TENM3: variants seen among roughly 807,000 people sequenced by gnomAD.
TENM3 encodes the protein teneurin transmembrane protein 3.
In TENM3, 63 loss-of-function variants were observed where a neutral mutation model predicts 255.1. The ratio of observed to expected loss-of-function variants is 0.25; its 90% confidence interval spans 0.20 to 0.30. TENM3 has a LOEUF of 0.30. Ranked by LOEUF, TENM3 falls within the 10% of genes least tolerant of loss-of-function variation. The probability of loss-of-function intolerance (pLI) is 1.00; values close to 1 mark genes in which losing one functional copy is unlikely to be tolerated. For synonymous variants in TENM3, 1,306 were observed against 1,322.3 expected (o/e 0.99, Z 0.27); for missense variants, 2,929 against 3,461.1 (o/e 0.85, Z 3.86).
At chr4:181,591,582 G>C in the TENM3 span, among the ~76,000 whole-genome samples, 2 of 152,172 alleles carry the variant, frequency 1.3e-5, no homozygotes, top group East Asian at 3.9e-4. Context: ...AAATACCCAA[G>C]TCAGGAATTG....
intron 5 of TENM3, among the ~76,000 whole-genome samples, chr4:182,643,100 A>G (rs1455827664): frequency 1.3e-5 from 2 of 152,208 alleles, no homozygotes; most frequent in Admixed American, 6.5e-5. Context: ...CACATGCGAT[A>G]CTTTCATTTT....
At chr4:182,092,667 A>G in the TENM3 span, among the ~76,000 whole-genome samples, 1 of 152,208 alleles carries the variant, frequency 6.6e-6, no homozygotes, top group Non-Finnish European at 1.5e-5. Flanking sequence ...ATAAACATAA[A>G]TCTATAAATA....
chr4:181,870,889 A>G, the TENM3 span, among the ~76,000 whole-genome samples: 2 of 152,150 alleles, frequency 1.3e-5, no homozygotes, highest in East Asian at 3.9e-4. Context: ...ACCAGGTTTG[A>G]AAATCTTTAT....
chr4:182,636,674 G>A (rs1330595032), intron 5 of TENM3, among the ~76,000 whole-genome samples: 6 of 150,614 alleles, frequency 4.0e-5, no homozygotes, highest in East Asian at 2.0e-4. Flanking sequence ...CAGAGATCGC[G>A]CCACCGTACT....
At chr4:181,510,492 C>T in the TENM3 span, among the ~76,000 whole-genome samples, 12 of 151,888 alleles carry the variant, frequency 7.9e-5, no homozygotes, top group African/African-American at 1.4e-4. Context: ...AAAATAAACA[C>T]GAAACAAAAC....
intron 1 of TENM3, among the ~76,000 whole-genome samples, chr4:182,207,472 A>C (rs900740895): frequency 5.9e-5 from 9 of 152,214 alleles, no homozygotes; most frequent in African/African-American, 1.9e-4. Flanking sequence ...CAGGGTGAGC[A>C]TGCTTCCCAG....
chr4:182,248,043 G>A (rs577213139), intron 1 of TENM3, among the ~76,000 whole-genome samples: 2 of 152,156 alleles, frequency 1.3e-5, no homozygotes, highest in Admixed American at 6.5e-5. Context: ...CAAATATGCA[G>A]TTTTGAAAGT....
intron 3 of TENM3, among the ~76,000 whole-genome samples, chr4:182,587,080 A>G (rs564026089): frequency 1.4e-5 from 2 of 143,236 alleles, no homozygotes; most frequent in South Asian, 4.7e-4. Flanking sequence ...TATAAAACAG[A>G]TCAGTTTTCT....
intron 1 of TENM3, among the ~76,000 whole-genome samples, chr4:182,161,710 C>CACACACACAA (rs1226978171): frequency 4.0e-5 from 1 of 25,080 alleles, no homozygotes; most frequent in African/African-American, 2.0e-4. Flanking sequence ...TATATATATA[C>CACACACACAA]ATATATATGT....
chr4:182,094,941 T>TAA, the TENM3 span, among the ~76,000 whole-genome samples: 1,566 of 105,616 alleles, frequency 0.015, 34 homozygotes, highest in East Asian at 0.084. Flanking sequence ...AAATAGAAGG[T>TAA]AAAAAAAAAA....
intron 1 of TENM3, among the ~76,000 whole-genome samples, chr4:182,211,035 C>A (rs1373960667): frequency 6.6e-6 from 1 of 152,162 alleles, no homozygotes; most frequent in African/African-American, 2.4e-5. Context: ...GGGGCCCTAC[C>A]CTTGTCGCTG....
chr4:182,061,685 G>A, the TENM3 span, among the ~76,000 whole-genome samples: 1 of 152,124 alleles, frequency 6.6e-6, no homozygotes, highest in Non-Finnish European at 1.5e-5. Context: ...AGTGCTGGGC[G>A]TGGCTGCTCA....
the TENM3 span, among the ~76,000 whole-genome samples, chr4:181,467,131 T>A: frequency 9.9e-4 from 54 of 54,774 alleles, no homozygotes; most frequent in South Asian, 7.0e-3. Context: ...ATATATTTTT[T>A]TTTTTTTTTT....
At chr4:181,537,609 C>T in the TENM3 span, among the ~76,000 whole-genome samples, 1 of 152,180 alleles carries the variant, frequency 6.6e-6, no homozygotes, top group Non-Finnish European at 1.5e-5. Context: ...ATGTTGGCAG[C>T]TCTTCCTACA....
chr4:181,589,276 T>G, the TENM3 span, among the ~76,000 whole-genome samples: 1 of 152,232 alleles, frequency 6.6e-6, no homozygotes, highest in South Asian at 2.1e-4. Context: ...GTTTTTATTT[T>G]TATCATGAAC....
chr4:181,807,209 A>T, the TENM3 span, among the ~76,000 whole-genome samples: 1 of 152,260 alleles, frequency 6.6e-6, no homozygotes, highest in Non-Finnish European at 1.5e-5. Flanking sequence ...AGGAGAGAGC[A>T]CAACTTCTTC....
At chr4:182,613,984 A>T (rs1317526960) in intron 4 of TENM3, among the ~76,000 whole-genome samples, 1 of 152,192 alleles carries the variant, frequency 6.6e-6, no homozygotes, top group Non-Finnish European at 1.5e-5. Context: ...CATCAATTCA[A>T]AAGTGTAATA....
At chr4:182,433,994 G>A (rs1771860056) in intron 3 of TENM3, among the ~76,000 whole-genome samples, 1 of 152,076 alleles carries the variant, frequency 6.6e-6, no homozygotes, top group African/African-American at 2.4e-5. Context: ...CATGCTTGTA[G>A]TCCCTGCTGC....
At chr4:181,841,986 A>C in the TENM3 span, among the ~76,000 whole-genome samples, 1 of 152,162 alleles carries the variant, frequency 6.6e-6, no homozygotes, top group African/African-American at 2.4e-5. Flanking sequence ...TTCCATATCT[A>C]TATATGTGGA....
Sources: gnomAD v4.1 joint callset for allele counts (sites outside exome capture counted in the v4.1 genomes callset) on GRCh38, gnomAD v4.1.1 for gene constraint, MANE v1.5 for transcripts, NCBI Gene and HGNC (gene_info 2026-07-23, HGNC 2026-07-21) for gene names.